Variants in MAGI3 observed in about 807,000 individuals in gnomAD.
MAGI3 encodes membrane-associated guanylate kinase, WW and PDZ domain-containing protein 3.
MAGI3 carries 43 observed loss-of-function variants against 121.8 expected under a neutral mutation model. That is an observed-to-expected ratio of 0.35 (90% confidence interval 0.28 to 0.46). MAGI3 has a LOEUF of 0.46. MAGI3 is among the 20% of genes least tolerant of loss of function. The pLI is 1.00. For synonymous variants in MAGI3, 553 were observed against 639.3 expected, an observed-to-expected ratio of 0.86 and a Z score of 2.04; for missense variants, 1,547 against 1,797.3, an observed-to-expected ratio of 0.86 and a Z score of 2.52.
At position 113,683,117 on chromosome 1, in the gene MAGI3, T is replaced by C. The variant is rs1434210063; in HGVS notation, c.3549T>C (p.His1183=). ...TLNENQPEIK[H]QSLLQKNVSK... ...ATGAAAATCAGCCTGAGATAAAGCA[T>C]CAGTCTCTTCTCCAGAAAAATGTGA... The change falls in exon 21 of 21, where the codon CAT becomes CAC. Residue 1183 remains histidine, a synonymous_variant. Transcript: ENST00000307546. The C allele has an allele frequency of 6.2e-7, 1 of 1,613,296 alleles. No homozygotes were observed. Among genetic ancestry groups the C allele is most frequent in the Non-Finnish European group, 8.5e-7 (1 of 1,179,698 alleles).
chr1:113,621,247 A>T (rs1570952190), intron 8 of MAGI3, among the ~76,000 whole-genome samples: 1 of 152,214 alleles, frequency 6.6e-6, no homozygotes, highest in African/African-American at 2.4e-5. Flanking sequence ...TGGTTACAGC[A>T]TAGGGTATTT....
chr1:113,600,343 C>A (rs1355331428), intron 6 of MAGI3, among the ~76,000 whole-genome samples: 2 of 151,980 alleles, frequency 1.3e-5, no homozygotes, highest in African/African-American at 2.4e-5. Context: ...AGCCCAAAAT[C>A]TCCTTAAGCT....
intron 1 of MAGI3, among the ~76,000 whole-genome samples, chr1:113,537,796 T>A (rs1235030379): frequency 6.6e-6 from 1 of 152,220 alleles, no homozygotes; most frequent in African/African-American, 2.4e-5. Flanking sequence ...ACTTATATTG[T>A]CATGTTGCCT....
At position 113,684,724 on chromosome 1, in the gene MAGI3, GTACTT is replaced by G. The variant is rs1446266429; in HGVS notation, c.*713_*717del. The G allele has an allele frequency of 6.6e-6, 1 of 152,286 alleles. No homozygotes were observed. The highest frequency in any genetic ancestry group is 1.5e-5 in the Non-Finnish European group (1 of 68,026). 9.4% of individuals were successfully genotyped at this position (152,286 alleles called of 1,614,324 possible). A position where few individuals can be genotyped will look rare whatever the true frequency, so the allele number is the denominator to read the frequency against. ...ACAATTGAATGTTTGAAATAAGAAA[GTACTT>G]TAAGCAATAGAGTTCATCTCCTGCT... is the stretch of plus-strand genomic sequence containing the variant. On this transcript the variant is annotated 3_prime_UTR_variant, in exon 21 of 21. Coordinates refer to ENST00000307546, the MANE Select transcript of MAGI3 (RefSeq NM_001142782.2).
intron 9 of MAGI3, among the ~76,000 whole-genome samples, chr1:113,629,058 C>G (rs1438593112): frequency 6.6e-6 from 1 of 151,826 alleles, no homozygotes; most frequent in Non-Finnish European, 1.5e-5. Context: ...TTAGAATTGC[C>G]CTTTTGAGGC....
intron 9 of MAGI3, among the ~76,000 whole-genome samples, chr1:113,637,653 G>T (rs1233409404): frequency 6.6e-6 from 1 of 150,870 alleles, no homozygotes; most frequent in Admixed American, 6.6e-5. Flanking sequence ...CTCTCTGGCT[G>T]CCCTTAACAT....
intron 6 of MAGI3, among the ~76,000 whole-genome samples, chr1:113,596,026 G>C (rs900410756): frequency 8.5e-6 from 1 of 118,080 alleles, no homozygotes; most frequent in Non-Finnish European, 1.8e-5. Context: ...GTGAGACCCT[G>C]TCTCAAAATA....
intron 9 of MAGI3, among the ~76,000 whole-genome samples, chr1:113,634,886 C>G (rs977158637): frequency 3.9e-5 from 6 of 152,108 alleles, no homozygotes; most frequent in African/African-American, 1.4e-4. Flanking sequence ...TCTTCCATTT[C>G]TTTGTATCCT....
intron 6 of MAGI3, among the ~76,000 whole-genome samples, chr1:113,602,670 G>A (rs745560744): frequency 6.6e-6 from 1 of 152,164 alleles, no homozygotes; most frequent in Admixed American, 6.5e-5. Flanking sequence ...TGTGGCTCAT[G>A]CCTATAAGCC....
intron 1 of MAGI3, among the ~76,000 whole-genome samples, chr1:113,546,283 A>C (rs567227556): frequency 6.6e-6 from 1 of 152,308 alleles, no homozygotes; most frequent in Admixed American, 6.5e-5. Context: ...AGCCTCAAAA[A>C]AGTGTGATAA....
intron 1 of MAGI3, among the ~76,000 whole-genome samples, chr1:113,425,408 G>C (rs1450547238): frequency 1.4e-5 from 2 of 142,664 alleles, no homozygotes; most frequent in African/African-American, 5.2e-5. Flanking sequence ...TCAGCCTCCC[G>C]AATAGCTGGG....
intron 4 of MAGI3, among the ~76,000 whole-genome samples, chr1:113,587,056 G>A (rs1352336641): frequency 6.6e-6 from 1 of 152,140 alleles, no homozygotes; most frequent in Non-Finnish European, 1.5e-5. Context: ...AAAATATACA[G>A]GACATTTAAG....
intron 1 of MAGI3, among the ~76,000 whole-genome samples, chr1:113,441,435 G>A (rs1936928): frequency 0.18 from 27,141 of 152,020 alleles, 3,154 homozygotes; most frequent in East Asian, 0.63. Context: ...TGGGTTCTGG[G>A]ATGAATTTTG....
At chr1:113,488,081 T>A (rs1407360221) in intron 1 of MAGI3, among the ~76,000 whole-genome samples, 1 of 148,912 alleles carries the variant, frequency 6.7e-6, no homozygotes, top group Admixed American at 6.8e-5. Context: ...TTTTACATGA[T>A]TTTTTTCTTG....
intron 1 of MAGI3, among the ~76,000 whole-genome samples, chr1:113,531,716 G>T (rs1557807033): frequency 8.3e-6 from 1 of 120,404 alleles, no homozygotes; most frequent in Admixed American, 8.6e-5. Context: ...ATTGCGGGGG[G>T]TGGGGGTCGG....
chr1:113,674,915 G>A (rs1430430985), intron 19 of MAGI3, among the ~76,000 whole-genome samples: 1 of 152,192 alleles, frequency 6.6e-6, no homozygotes, highest in East Asian at 1.9e-4. Context: ...TTTCAATAGG[G>A]AGAAATTAAG....
chr1:113,640,281 G>A (rs952005138), intron 9 of MAGI3, among the ~76,000 whole-genome samples: 2 of 142,316 alleles, frequency 1.4e-5, no homozygotes, highest in African/African-American at 4.9e-5. Context: ...CACTATTGGT[G>A]GGAGTATAAA....
At chr1:113,639,793 C>T (rs1173957127) in intron 9 of MAGI3, among the ~76,000 whole-genome samples, 3 of 152,154 alleles carry the variant, frequency 2.0e-5, no homozygotes, top group East Asian at 1.9e-4. Flanking sequence ...GTCTTGAACT[C>T]CTGACCTCAG....
rs1650756395 is a variant in MAGI3 at position 113,390,977 on chromosome 1, G to A, written c.-57G>A. 2.1e-6 allele frequency: 3 copies of A among 1,455,256 alleles called. No homozygotes were observed. Among genetic ancestry groups the A allele is most frequent in the Non-Finnish European group, 2.7e-6 (3 of 1,104,390 alleles). 90.1% of individuals were successfully genotyped at this position (1,455,256 alleles called of 1,614,324 possible). Reference sequence around the variant, plus strand: ...AGGGCCCCCGGGCTGAGACGGGGCCGGAGCGGCGCCCCGGCCGCCCGCGCG... The same window carrying A: ...AGGGCCCCCGGGCTGAGACGGGGCCAGAGCGGCGCCCCGGCCGCCCGCGCG... On this transcript the variant is annotated 5_prime_UTR_variant, in exon 1 of 21. Transcript: ENST00000307546.
Sources: allele counts gnomAD v4.1 joint callset (sites outside exome capture counted in the v4.1 genomes callset), GRCh38; gene constraint gnomAD v4.1.1; transcripts MANE v1.5; gene names NCBI Gene and HGNC (gene_info 2026-07-23, HGNC 2026-07-21).